Variants in IMMP2L observed in about 807,000 individuals in gnomAD.
The protein encoded by IMMP2L is mitochondrial inner membrane protease subunit 2.
Under a neutral mutation model 19.3 loss-of-function variants are expected in IMMP2L, and 18 were observed. The ratio of observed to expected loss-of-function variants is 0.93; its 90% CI spans 0.64 to 1.38. The LOEUF (loss-of-function observed/expected upper bound fraction) is 1.38. IMMP2L is among the 40% of genes most tolerant of loss of function. The pLI is 0.00. For missense variants in IMMP2L, 233 were observed against 218.2 expected, an observed-to-expected ratio of 1.07 and a Z score of -0.43; for synonymous variants, 76 against 73.0, an observed-to-expected ratio of 1.04 and a Z score of -0.21.
At chr7:110,982,163 CAG>C (rs372220823) in intron 3 of IMMP2L, among the ~76,000 whole-genome samples, 101 of 152,206 alleles carry the variant, frequency 6.6e-4, no homozygotes, top group African/African-American at 2.4e-3. Context: ...TGAGGTAACA[CAG>C]TGATTTTCCC....
intron 3 of IMMP2L, among the ~76,000 whole-genome samples, chr7:111,316,845 C>CTTTTTTTTTTTTTTTTTTTTTTTT (rs869155077): frequency 1.3e-5 from 1 of 75,896 alleles, no homozygotes; most frequent in Non-Finnish European, 2.4e-5. Context: ...TTTTTTTTTT[C>CTTTTTTTTTTTTTTTTTTTTTTTT]TTTTTTTTTT....
At chr7:111,037,347 A>T (rs1860808) in intron 3 of IMMP2L, among the ~76,000 whole-genome samples, 1 of 152,184 alleles carries the variant, frequency 6.6e-6, no homozygotes, top group Non-Finnish European at 1.5e-5. Context: ...AACCGATAAG[A>T]TATAAAATCA....
chr7:111,031,934 A>AT (rs57560784), intron 3 of IMMP2L, among the ~76,000 whole-genome samples: 52,818 of 107,972 alleles, frequency 0.49, 13,928 homozygotes, highest in Non-Finnish European at 0.56. Flanking sequence ...AACACCAGAG[A>AT]TTTTTTTTTT....
chr7:111,121,183 G>A (rs1361285368), intron 3 of IMMP2L, among the ~76,000 whole-genome samples: 5 of 152,218 alleles, frequency 3.3e-5, no homozygotes, highest in South Asian at 2.1e-4. Context: ...CATATCCTTC[G>A]CCCACTTTTT....
intron 3 of IMMP2L, among the ~76,000 whole-genome samples, chr7:111,204,929 C>T (rs1810538919): frequency 6.6e-6 from 1 of 152,180 alleles, no homozygotes; most frequent in African/African-American, 2.4e-5. Context: ...TATCAAACTT[C>T]ATACACTATC....
intron 3 of IMMP2L, among the ~76,000 whole-genome samples, chr7:111,342,751 T>C (rs920261260): frequency 1.3e-5 from 2 of 152,098 alleles, no homozygotes; most frequent in Non-Finnish European, 2.9e-5. Context: ...TGTCTAGAAG[T>C]ATTTTAAATA....
At chr7:110,778,461 A>G (rs1799538479) in intron 5 of IMMP2L, among the ~76,000 whole-genome samples, 1 of 151,946 alleles carries the variant, frequency 6.6e-6, no homozygotes, top group Admixed American at 6.6e-5. Context: ...CTTCTGTTGT[A>G]AGTTAGTGAA....
chr7:111,364,278 A>T (rs989189066), intron 3 of IMMP2L, among the ~76,000 whole-genome samples: 3 of 152,082 alleles, frequency 2.0e-5, no homozygotes, highest in Non-Finnish European at 4.4e-5. Context: ...TTCTCTATTC[A>T]TATGCTTTTA....
intron 3 of IMMP2L, among the ~76,000 whole-genome samples, chr7:111,284,523 G>T (rs1475702229): frequency 6.6e-6 from 1 of 152,126 alleles, no homozygotes; most frequent in Non-Finnish European, 1.5e-5. Flanking sequence ...CTTAGAAGTG[G>T]AAGAGTTTAG....
chr7:111,008,605 C>T (rs772795220), intron 3 of IMMP2L, among the ~76,000 whole-genome samples: 13 of 151,594 alleles, frequency 8.6e-5, no homozygotes, highest in Non-Finnish European at 1.5e-4. Context: ...AATGTTGCTG[C>T]TATTGTTTAT....
intron 3 of IMMP2L, among the ~76,000 whole-genome samples, chr7:111,482,002 G>C (rs753854350): frequency 9.2e-5 from 14 of 152,086 alleles, no homozygotes; most frequent in Non-Finnish European, 1.6e-4. Context: ...GCCCAGCATG[G>C]GCAGCATAGC....
chr7:111,505,032 G>A, intron 2 of IMMP2L, among the ~76,000 whole-genome samples: 1 of 152,020 alleles, frequency 6.6e-6, no homozygotes, highest in Non-Finnish European at 1.5e-5. Flanking sequence ...AGAGTCAACA[G>A]GCAACCTACA....
chr7:110,991,642 C>T (rs1285259122), intron 3 of IMMP2L, among the ~76,000 whole-genome samples: 1 of 152,146 alleles, frequency 6.6e-6, no homozygotes, highest in African/African-American at 2.4e-5. Context: ...TTTTGAAAGA[C>T]ACACTACTAG....
intron 3 of IMMP2L, among the ~76,000 whole-genome samples, chr7:111,001,126 A>G (rs1823639064): frequency 6.6e-6 from 1 of 152,214 alleles, no homozygotes; most frequent in African/African-American, 2.4e-5. Flanking sequence ...CTCTGCATGT[A>G]GAATCCTAGT....
intron 3 of IMMP2L, among the ~76,000 whole-genome samples, chr7:111,314,553 T>A (rs1308159881): frequency 6.6e-5 from 10 of 152,200 alleles, no homozygotes; most frequent in Admixed American, 5.9e-4. Flanking sequence ...GAAAATAAGA[T>A]CATTTAGAAA....
At chr7:111,124,871 T>C (rs1370939671) in intron 3 of IMMP2L, 1 of 1,603,222 alleles carries the variant, frequency 6.2e-7, no homozygotes, top group Admixed American at 1.7e-5. Flanking sequence ...AAAGCAACTG[T>C]TATAGGTTTA....
At chr7:110,965,856 C>T (rs1006381343) in intron 3 of IMMP2L, among the ~76,000 whole-genome samples, 1 of 151,942 alleles carries the variant, frequency 6.6e-6, no homozygotes, top group African/African-American at 2.4e-5. Context: ...TCTATATAAA[C>T]TGTTTGGTCA....
At chr7:111,283,261 A>C (rs1028196598) in intron 3 of IMMP2L, among the ~76,000 whole-genome samples, 1 of 152,198 alleles carries the variant, frequency 6.6e-6, no homozygotes, top group East Asian at 1.9e-4. Context: ...AAAAACAATT[A>C]CAGAACATTG....
At chr7:111,203,473 G>A (rs1429427971) in intron 3 of IMMP2L, among the ~76,000 whole-genome samples, 2 of 151,690 alleles carry the variant, frequency 1.3e-5, no homozygotes, top group African/African-American at 4.8e-5. Context: ...AAATAAGGCA[G>A]TCAGAAAATA....
Sources: gnomAD v4.1 joint callset for allele counts (sites outside exome capture counted in the v4.1 genomes callset) on GRCh38, gnomAD v4.1.1 for gene constraint, MANE v1.5 for transcripts, NCBI Gene and HGNC (gene_info 2026-07-23, HGNC 2026-07-21) for gene names.